The following KCNAB1 variants were observed in gnomAD, a reference collection of about 807,000 sequenced individuals.
KCNAB1 encodes the protein voltage-gated potassium channel subunit beta-1.
Under a neutral mutation model 64.6 loss-of-function variants are expected in KCNAB1, and 35 were observed. The observed-to-expected ratio is 0.54, with a 90% CI of 0.41 to 0.72. The LOEUF (loss-of-function observed/expected upper bound fraction) is 0.72. Among genes scored for constraint, KCNAB1 ranks in the 30% least tolerant of loss-of-function variants. The pLI is 0.00. For synonymous variants in KCNAB1, 177 were observed against 183.8 expected, an observed-to-expected ratio of 0.96 and a Z score of 0.30; for missense variants, 401 against 512.9, an observed-to-expected ratio of 0.78 and a Z score of 2.11.
intron 1 of KCNAB1, among the ~76,000 whole-genome samples, chr3:156,298,933 A>T (rs1260382143): frequency 6.6e-6 from 1 of 152,224 alleles, no homozygotes; most frequent in Non-Finnish European, 1.5e-5. Flanking sequence ...AGTCCTTTAA[A>T]TTTTCATTTC....
chr3:156,279,451 G>A (rs1233952083), intron 1 of KCNAB1, among the ~76,000 whole-genome samples: 1 of 152,190 alleles, frequency 6.6e-6, no homozygotes, highest in Non-Finnish European at 1.5e-5. Context: ...CTTTATAGCA[G>A]CATGGTTTAT....
intron 1 of KCNAB1, among the ~76,000 whole-genome samples, chr3:156,354,047 A>ATATGTG (rs1553851297): frequency 0.026 from 3,558 of 137,534 alleles, 75 homozygotes; most frequent in African/African-American, 0.059. Flanking sequence ...GTGTATATAT[A>ATATGTG]TGTGTGTGTG....
intron 1 of KCNAB1, among the ~76,000 whole-genome samples, chr3:156,415,284 A>G (rs1278984200): frequency 4.6e-5 from 7 of 152,194 alleles, no homozygotes; most frequent in Non-Finnish European, 8.8e-5. Flanking sequence ...CTAATTGAAC[A>G]CTGAAATATG....
intron 8 of KCNAB1, among the ~76,000 whole-genome samples, chr3:156,509,192 TA>T (rs1329615616): frequency 1.3e-5 from 2 of 152,104 alleles, no homozygotes; most frequent in African/African-American, 4.8e-5. Context: ...TTGGGTTAGA[TA>T]AAAAAGCAAA....
At chr3:156,300,138 C>T (rs1329988186) in intron 1 of KCNAB1, among the ~76,000 whole-genome samples, 1 of 152,166 alleles carries the variant, frequency 6.6e-6, no homozygotes, top group African/African-American at 2.4e-5. Flanking sequence ...AGATTCTCTC[C>T]CATTCTCATC....
At chr3:156,397,264 G>A (rs930869524) in intron 1 of KCNAB1, among the ~76,000 whole-genome samples, 2 of 152,234 alleles carry the variant, frequency 1.3e-5, no homozygotes, top group African/African-American at 4.8e-5. Flanking sequence ...AAATGGGGGA[G>A]ACAGCAACTT....
chr3:156,319,850 G>A (rs994486411), intron 1 of KCNAB1, among the ~76,000 whole-genome samples: 1 of 152,152 alleles, frequency 6.6e-6, no homozygotes, highest in African/African-American at 2.4e-5. Context: ...CAGATGGAAG[G>A]AAACAAAAAC....
At chr3:156,356,364 G>T (rs1466520268) in intron 1 of KCNAB1, among the ~76,000 whole-genome samples, 2 of 151,000 alleles carry the variant, frequency 1.3e-5, no homozygotes, top group African/African-American at 4.9e-5. Context: ...TGAGACCACA[G>T]AAAATAACTT....
At chr3:156,403,105 A>G (rs60249133) in intron 1 of KCNAB1, among the ~76,000 whole-genome samples, 6,857 of 152,264 alleles carry the variant, frequency 0.045, 527 homozygotes, top group African/African-American at 0.16. Context: ...CACTTAAAAT[A>G]TTTCATTCAA....
intron 8 of KCNAB1, among the ~76,000 whole-genome samples, chr3:156,504,000 C>T (rs1275646257): frequency 6.6e-6 from 1 of 152,168 alleles, no homozygotes; most frequent in Non-Finnish European, 1.5e-5. Context: ...AACACTAGAA[C>T]TTATTCCTCC....
chr3:156,495,141 C>A (rs954683289), intron 8 of KCNAB1, among the ~76,000 whole-genome samples: 1 of 152,102 alleles, frequency 6.6e-6, no homozygotes, highest in African/African-American at 2.4e-5. Flanking sequence ...TCTGTTTCTG[C>A]ATTAGTTTGC....
chr3:156,307,222 C>G (rs1721550944), intron 1 of KCNAB1, among the ~76,000 whole-genome samples: 1 of 152,108 alleles, frequency 6.6e-6, no homozygotes, highest in South Asian at 2.1e-4. Context: ...AGCATGGAGA[C>G]AAAGATGAGG....
chr3:156,441,474 T>C (rs1266619448), intron 2 of KCNAB1: 2 of 152,150 alleles, frequency 1.3e-5, no homozygotes, highest in African/African-American at 4.8e-5. Flanking sequence ...AAAATGTATA[T>C]TTGAACACAT....
intron 8 of KCNAB1, among the ~76,000 whole-genome samples, chr3:156,475,541 A>G (rs1366180507): frequency 1.3e-5 from 2 of 152,242 alleles, no homozygotes; most frequent in Non-Finnish European, 2.9e-5. Context: ...CATATGGATT[A>G]TCACTTACCT....
In KCNAB1 at chr3:156,158,449, A is replaced by G. The variant is rs146578308; in HGVS notation, c.275+37563A>G. ...AAATTTGGGCTCTCATGTAAACAAG[A>G]CACTGAAATGCATTCTATCAAAGTG... On this transcript the variant is annotated intron_variant, in intron 1 of 13. Transcript: ENST00000490337. 3.9e-3 allele frequency among the ~76,000 whole-genome samples: 600 copies of G among 152,290 alleles called. 7 individuals are homozygous for G. The highest frequency in any genetic ancestry group is 0.017 in the South Asian group (82 of 4,828).
At chr3:156,367,474 C>G (rs1194726502) in intron 1 of KCNAB1, among the ~76,000 whole-genome samples, 1 of 152,068 alleles carries the variant, frequency 6.6e-6, no homozygotes, top group African/African-American at 2.4e-5. Context: ...AGCCACTGTT[C>G]CCGGCCGAGT....
intron 4 of KCNAB1, among the ~76,000 whole-genome samples, chr3:156,458,358 A>G (rs1453095525): frequency 1.3e-5 from 2 of 152,210 alleles, no homozygotes; most frequent in Non-Finnish European, 2.9e-5. Flanking sequence ...GGGAACATGG[A>G]TGTCCAGCTC....
intron 8 of KCNAB1, among the ~76,000 whole-genome samples, chr3:156,498,306 G>C (rs541483014): frequency 6.6e-6 from 1 of 152,200 alleles, no homozygotes; most frequent in Admixed American, 6.5e-5. Context: ...TGGTTCAGCT[G>C]CGTCCCCACC....
chr3:156,519,392 A>G (rs1290591231), intron 11 of KCNAB1, among the ~76,000 whole-genome samples: 1 of 152,126 alleles, frequency 6.6e-6, no homozygotes, highest in Non-Finnish European at 1.5e-5. Context: ...ATGCAAATGC[A>G]CTGTACTCTC....
Sources: allele counts gnomAD v4.1 joint callset (sites outside exome capture counted in the v4.1 genomes callset), GRCh38; gene constraint gnomAD v4.1.1; transcripts MANE v1.5; gene names NCBI Gene and HGNC (gene_info 2026-07-23, HGNC 2026-07-21).